Variants in PITPNC1 observed in about 807,000 individuals in gnomAD.
The protein encoded by PITPNC1 is phosphatidylinositol transfer protein cytoplasmic 1.
A neutral mutation model predicts 44.7 loss-of-function variants in PITPNC1; 18 were observed. The ratio of observed to expected loss-of-function variants is 0.40; its 90% CI spans 0.28 to 0.60. PITPNC1 has a LOEUF of 0.60. Ranked by LOEUF, PITPNC1 falls within the 20% of genes least tolerant of loss-of-function variation. PITPNC1 has a pLI of 0.39. For missense variants in PITPNC1, 290 were observed against 418.4 expected (o/e 0.69, Z 2.68); for synonymous variants, 141 against 149.6 (o/e 0.94, Z 0.42).
intron 1 of PITPNC1, among the ~76,000 whole-genome samples, chr17:67,439,086 T>A (rs1014219597): frequency 6.6e-6 from 1 of 152,212 alleles, no homozygotes; most frequent in African/African-American, 2.4e-5. Flanking sequence ...GGACACACAG[T>A]AGGTGCTGAA....
At chr17:67,665,806 A>T (rs1598957175) in intron 6 of PITPNC1, among the ~76,000 whole-genome samples, 1 of 151,058 alleles carries the variant, frequency 6.6e-6, no homozygotes, top group Non-Finnish European at 1.5e-5. Flanking sequence ...ATTCTGAGCC[A>T]CCCAGGAAAG....
intron 1 of PITPNC1, among the ~76,000 whole-genome samples, chr17:67,425,225 A>G (rs868122485): frequency 0.012 from 1,385 of 112,766 alleles, 66 homozygotes; most frequent in Middle Eastern, 0.019. Flanking sequence ...ACACACACAC[A>G]CACACACACA....
intron 1 of PITPNC1, among the ~76,000 whole-genome samples, chr17:67,437,576 A>G (rs1167772180): frequency 1.3e-5 from 2 of 152,156 alleles, no homozygotes; most frequent in African/African-American, 2.4e-5. Flanking sequence ...CTAGGAAACT[A>G]ATGCACCTCC....
At chr17:67,555,548 C>T (rs949290076) in intron 4 of PITPNC1, among the ~76,000 whole-genome samples, 4 of 151,916 alleles carry the variant, frequency 2.6e-5, no homozygotes, top group Non-Finnish European at 2.9e-5. Flanking sequence ...GACTTTGGGC[C>T]GGGTGCAGTG....
At chr17:67,583,799 T>G (rs574391550) in intron 5 of PITPNC1, among the ~76,000 whole-genome samples, 291 of 149,720 alleles carry the variant, frequency 1.9e-3, no homozygotes, top group African/African-American at 6.9e-3. Flanking sequence ...AGGTTCACGC[T>G]ATTCTCCTGC....
intron 8 of PITPNC1, among the ~76,000 whole-genome samples, chr17:67,688,338 C>A (rs867191905): frequency 1.4e-3 from 77 of 54,332 alleles, no homozygotes; most frequent in Non-Finnish European, 1.5e-3. Context: ...AATTCTGTCT[C>A]AAAAAAAAAA....
intron 2 of PITPNC1, among the ~76,000 whole-genome samples, chr17:67,534,813 C>G (rs1369662822): frequency 6.6e-6 from 1 of 152,170 alleles, no homozygotes; most frequent in African/African-American, 2.4e-5. Context: ...GAAAGTATTT[C>G]CAACACCCTA....
At position 67,694,778 on chromosome 17, in the gene PITPNC1, T is replaced by C. The variant is rs1485648485; in HGVS notation, c.*1890T>C. Reference sequence around the variant, plus strand: ...GCTTGTGGGAAAACCTAATATTTTATCAGACCCCTCGGACTTCTCAATCCC... The same window carrying C: ...GCTTGTGGGAAAACCTAATATTTTACCAGACCCCTCGGACTTCTCAATCCC... On this transcript the variant is annotated 3_prime_UTR_variant, in exon 9 of 9. Coordinates refer to ENST00000581322, the MANE Select transcript of PITPNC1 (RefSeq NM_012417.4). The C allele has an allele frequency of 6.6e-6, 1 of 152,200 alleles. No individual in the cohort carries two copies. The highest frequency in any genetic ancestry group is 1.9e-4 in the East Asian group (1 of 5,192). The allele number at this position is 152,200 out of a possible 1,614,324, so 9.4% of individuals were successfully genotyped here. A position where few individuals can be genotyped will look rare whatever the true frequency, so the allele number is the denominator to read the frequency against.
intron 2 of PITPNC1, among the ~76,000 whole-genome samples, chr17:67,538,045 G>A (rs905555965): frequency 1.3e-4 from 19 of 151,660 alleles, no homozygotes; most frequent in African/African-American, 4.6e-4. Flanking sequence ...GTTGAAGGAG[G>A]GGCTTGACCT....
chr17:67,603,659 G>A (rs1257580781), intron 5 of PITPNC1, among the ~76,000 whole-genome samples: 2 of 152,192 alleles, frequency 1.3e-5, no homozygotes, highest in African/African-American at 4.8e-5. Context: ...GCCAGGCGCG[G>A]TGGCTCACAC....
At chr17:67,546,118 G>A (rs1175751325) in intron 2 of PITPNC1, among the ~76,000 whole-genome samples, 1 of 151,598 alleles carries the variant, frequency 6.6e-6, no homozygotes, top group Non-Finnish European at 1.5e-5. Context: ...ACTTGAACCT[G>A]GGAGGTGGAG....
intron 6 of PITPNC1, chr17:67,638,359 T>A (rs144498269): frequency 1.9e-4 from 29 of 152,324 alleles, no homozygotes; most frequent in African/African-American, 7.0e-4. Context: ...TGGCTTCTAG[T>A]CAAGTTCAAG....
intron 1 of PITPNC1, among the ~76,000 whole-genome samples, chr17:67,489,954 G>C (rs1003951788): frequency 6.6e-6 from 1 of 152,122 alleles, no homozygotes; most frequent in African/African-American, 2.4e-5. Flanking sequence ...ATGTTGGCCA[G>C]GCTGGTCTCG....
intron 5 of PITPNC1, chr17:67,612,603 T>C (rs1598885978): frequency 1.3e-5 from 2 of 152,262 alleles, no homozygotes; most frequent in Non-Finnish European, 1.5e-5. Flanking sequence ...TCCAGGAGCA[T>C]TGAAGAAAGC....
chr17:67,573,556 CTTTT>C (rs35434515), intron 4 of PITPNC1, among the ~76,000 whole-genome samples: 2,444 of 84,050 alleles, frequency 0.029, 24 homozygotes, highest in Middle Eastern at 0.051. Context: ...ACTGAATACT[CTTTT>C]TTTTTTTTTT....
At chr17:67,675,599 C>A (rs1567773158) in intron 8 of PITPNC1, 57 bp downstream of exon 8, 4 of 1,248,784 alleles carry the variant, frequency 3.2e-6, no homozygotes, top group Non-Finnish European at 4.7e-6. Flanking sequence ...CTCGGGCTTT[C>A]TGTCCATTTG....
At chr17:67,494,213 CTTTT>C (rs1555657790) in intron 1 of PITPNC1, among the ~76,000 whole-genome samples, 1 of 147,042 alleles carries the variant, frequency 6.8e-6, no homozygotes, top group African/African-American at 2.6e-5. Context: ...TTCTTTCTTT[CTTTT>C]TGAGACGTAG....
rs2038730532 is a variant in PITPNC1 at position 67,425,180 on chromosome 17, ATGT to A, written c.48+46982_48+46984del. On this transcript the variant is annotated intron_variant, in intron 1 of 8. Transcript: ENST00000581322. ...CTGCACCCAGGTGAAATAAACAGCC[ATGT>A]TGTGCGCGCGCACGCACACGCACAC... is the stretch of plus-strand genomic sequence containing the variant. Among the ~76,000 whole-genome samples the A allele has an allele frequency of 3.0e-5, 4 of 131,296 alleles. No individual in the cohort carries two copies. In the East Asian group the frequency reaches 1.2e-3, roughly 40 times the overall value. The allele number at this position is 131,296 out of a possible 152,430, so 86.1% of individuals were successfully genotyped here.
intron 1 of PITPNC1, among the ~76,000 whole-genome samples, chr17:67,475,391 C>G (rs1053333947): frequency 6.6e-6 from 1 of 152,142 alleles, no homozygotes; most frequent in Non-Finnish European, 1.5e-5. Flanking sequence ...TAAAACAGCC[C>G]GGGGTGTTTG....
Sources: allele counts gnomAD v4.1 joint callset (sites outside exome capture counted in the v4.1 genomes callset), GRCh38; gene constraint gnomAD v4.1.1; transcripts MANE v1.5; gene names NCBI Gene and HGNC (gene_info 2026-07-23, HGNC 2026-07-21).